The following ADAMTSL1 variants were observed in gnomAD, a reference collection of about 807,000 sequenced individuals.
The protein encoded by ADAMTSL1 is ADAMTS like 1, also known as ADAMTS-like protein 1.
ADAMTSL1 carries 126 observed loss-of-function variants against 201.8 expected under a neutral mutation model. That is an observed-to-expected ratio of 0.62 (90% CI 0.54 to 0.72). The LOEUF (loss-of-function observed/expected upper bound fraction) is 0.72, where lower values mean the gene tolerates loss of function less well. Among genes scored for constraint, ADAMTSL1 ranks in the 30% least tolerant of loss-of-function variants. ADAMTSL1 has a pLI of 0.00. For synonymous variants in ADAMTSL1, 1,121 were observed against 903.4 expected, an observed-to-expected ratio of 1.24 and a Z score of -4.32; for missense variants, 2,679 against 2,277.8, an observed-to-expected ratio of 1.18 and a Z score of -3.59.
At chr9:18,833,171 ACTAGCAAGT>A (rs1197217163) in intron 23 of ADAMTSL1, among the ~76,000 whole-genome samples, 1 of 152,212 alleles carries the variant, frequency 6.6e-6, no homozygotes, top group African/African-American at 2.4e-5. Flanking sequence ...AAACCTTGGG[ACTAGCAAGT>A]GCTTGTTGCT....
chr9:18,739,653 GT>G (rs1225092071), intron 15 of ADAMTSL1, among the ~76,000 whole-genome samples: 1 of 152,088 alleles, frequency 6.6e-6, no homozygotes, highest in Non-Finnish European at 1.5e-5. Flanking sequence ...ATCAGTTTAG[GT>G]CACTTTTGTG....
At chr9:18,586,232 T>A (rs1823481980) in intron 4 of ADAMTSL1, among the ~76,000 whole-genome samples, 1 of 152,170 alleles carries the variant, frequency 6.6e-6, no homozygotes, top group Admixed American at 6.5e-5. Flanking sequence ...ATAAACAACT[T>A]CAGCAAAGTC....
intron 2 of ADAMTSL1, among the ~76,000 whole-genome samples, chr9:18,528,477 A>C (rs1293823187): frequency 2.0e-5 from 3 of 151,992 alleles, no homozygotes; most frequent in African/African-American, 7.2e-5. Context: ...CTGTTCCTCC[A>C]TTAGTTTGCT....
chr9:18,437,617 G>A (rs1439536566), intron 2 of ADAMTSL1, among the ~76,000 whole-genome samples: 1 of 151,774 alleles, frequency 6.6e-6, no homozygotes, highest in Non-Finnish European at 1.5e-5. Flanking sequence ...GGCTTTCTAG[G>A]GTCTGAGTTA....
chr9:18,741,988 C>CT (rs1281220391), intron 15 of ADAMTSL1, among the ~76,000 whole-genome samples: 1 of 152,162 alleles, frequency 6.6e-6, no homozygotes, highest in Non-Finnish European at 1.5e-5. Context: ...TTCTACAATA[C>CT]TTACTATGTG....
chr9:18,347,801 G>A (rs190005453), intron 2 of ADAMTSL1, among the ~76,000 whole-genome samples: 7 of 152,280 alleles, frequency 4.6e-5, no homozygotes, highest in Non-Finnish European at 7.3e-5. Context: ...TTTGTTTCAA[G>A]CACTGCTTTG....
At chr9:18,508,872 T>C (rs1708634791) in intron 2 of ADAMTSL1, among the ~76,000 whole-genome samples, 1 of 152,082 alleles carries the variant, frequency 6.6e-6, no homozygotes, top group Non-Finnish European at 1.5e-5. Flanking sequence ...GGATTTAGAA[T>C]GTATTTTGAC....
At chr9:18,274,612 T>G (rs1487406002) in intron 2 of ADAMTSL1, among the ~76,000 whole-genome samples, 2 of 151,916 alleles carry the variant, frequency 1.3e-5, no homozygotes, top group African/African-American at 4.8e-5. Flanking sequence ...GTCTGAAAAA[T>G]TTCAGCACCA....
At chr9:18,792,399 G>A (rs1223813887) in intron 19 of ADAMTSL1, among the ~76,000 whole-genome samples, 1 of 152,182 alleles carries the variant, frequency 6.6e-6, no homozygotes, top group Non-Finnish European at 1.5e-5. Flanking sequence ...TTAAATCATA[G>A]TAGGACCAAA....
intron 2 of ADAMTSL1, among the ~76,000 whole-genome samples, chr9:18,344,586 T>C (rs536059687): frequency 6.6e-6 from 1 of 152,264 alleles, no homozygotes; most frequent in Admixed American, 6.5e-5. Context: ...TAGAATAAAT[T>C]TTAGCATTCC....
At chr9:18,024,112 C>G (rs1165737933) in intron 1 of ADAMTSL1, among the ~76,000 whole-genome samples, 1 of 151,676 alleles carries the variant, frequency 6.6e-6, no homozygotes, top group Non-Finnish European at 1.5e-5. Flanking sequence ...AAAATATAGT[C>G]TACTGCTTTA....
intron 1 of ADAMTSL1, among the ~76,000 whole-genome samples, chr9:18,081,648 T>C (rs1055512345): frequency 1.3e-5 from 2 of 152,210 alleles, no homozygotes; most frequent in African/African-American, 4.8e-5. Flanking sequence ...ATCAGGAACA[T>C]AGTTTTTAAA....
At chr9:18,704,441 T>G (rs1172094537) in intron 13 of ADAMTSL1, among the ~76,000 whole-genome samples, 1 of 152,202 alleles carries the variant, frequency 6.6e-6, no homozygotes, top group African/African-American at 2.4e-5. Context: ...TCTTTCTGAT[T>G]CGAAAACAAA....
chr9:18,023,072 A>G (rs553777571), intron 1 of ADAMTSL1, among the ~76,000 whole-genome samples: 3 of 152,276 alleles, frequency 2.0e-5, no homozygotes, highest in South Asian at 4.1e-4. Flanking sequence ...AAATATTTAT[A>G]AAGTAGCTGT....
intron 2 of ADAMTSL1, among the ~76,000 whole-genome samples, chr9:18,412,079 T>C (rs1183173401): frequency 1.3e-5 from 2 of 152,234 alleles, no homozygotes; most frequent in Non-Finnish European, 2.9e-5. Flanking sequence ...TCATTTGTCC[T>C]AGAATATTCA....
intron 12 of ADAMTSL1, among the ~76,000 whole-genome samples, chr9:18,683,256 A>G (rs1830623997): frequency 7.4e-6 from 1 of 134,984 alleles, no homozygotes; most frequent in Non-Finnish European, 1.6e-5. Flanking sequence ...ACGGAGTCTC[A>G]CTCTGTTGCC....
intron 1 of ADAMTSL1, among the ~76,000 whole-genome samples, chr9:18,109,768 G>C (rs1052842056): frequency 6.6e-6 from 1 of 152,116 alleles, no homozygotes; most frequent in South Asian, 2.1e-4. Flanking sequence ...TGTCAGCAGC[G>C]TGGCACCAGG....
chr9:18,180,159 C>G (rs904431200), intron 2 of ADAMTSL1, among the ~76,000 whole-genome samples: 23 of 152,004 alleles, frequency 1.5e-4, no homozygotes, highest in African/African-American at 5.3e-4. Context: ...CACATAGGCT[C>G]AAAATAAAAG....
chr9:18,280,009 C>A (rs1563854315), intron 2 of ADAMTSL1, among the ~76,000 whole-genome samples: 1 of 152,168 alleles, frequency 6.6e-6, no homozygotes, highest in African/African-American at 2.4e-5. Flanking sequence ...GGGGCCTGAC[C>A]TGTCACTGGG....
Sources: gnomAD v4.1 joint callset for allele counts (sites outside exome capture counted in the v4.1 genomes callset) on GRCh38, gnomAD v4.1.1 for gene constraint, MANE v1.5 for transcripts, NCBI Gene and HGNC (gene_info 2026-07-23, HGNC 2026-07-21) for gene names.